Variants in AGBL1 observed in about 807,000 individuals in gnomAD.
AGBL1 encodes the protein cytosolic carboxypeptidase 4.
AGBL1 carries 130 observed loss-of-function variants against 118.9 expected under a neutral mutation model. That is an observed-to-expected ratio of 1.09 (90% confidence interval 0.95 to 1.26). The LOEUF is 1.26. Among genes scored for constraint, AGBL1 ranks in the 50% most tolerant of loss-of-function variants. The probability of loss-of-function intolerance (pLI) is 0.00; values close to 1 mark genes in which losing one functional copy is unlikely to be tolerated. For missense variants in AGBL1, 1,584 were observed against 1,298.1 expected, an observed-to-expected ratio of 1.22 and a Z score of -3.38; for synonymous variants, 555 against 478.9, an observed-to-expected ratio of 1.16 and a Z score of -2.08.
intron 21 of AGBL1, among the ~76,000 whole-genome samples, chr15:86,578,721 T>C (rs1346755107): frequency 6.6e-6 from 1 of 150,396 alleles, no homozygotes; most frequent in Non-Finnish European, 1.5e-5. Context: ...ATGGTTATTA[T>C]AAGGGGGTGT....
chr15:86,359,258 C>T (rs1172000662), intron 17 of AGBL1, among the ~76,000 whole-genome samples: 1 of 151,848 alleles, frequency 6.6e-6, no homozygotes, highest in Non-Finnish European at 1.5e-5. Flanking sequence ...TTTTCCAATA[C>T]CATTTTCTGA....
rs147916182 is a variant in AGBL1 at position 86,750,082 on chromosome 15, A to G, written c.3158+75646A>G. On this transcript the variant is annotated intron_variant, in intron 22 of 22. Transcript: ENST00000614907. ...ATTAATTGGAATAATTTCAGAAGGAATGGTACCAGCTCCTCCTTGTACTGC... is the reference window on the plus strand; with the variant it reads ...ATTAATTGGAATAATTTCAGAAGGAGTGGTACCAGCTCCTCCTTGTACTGC... 9.2e-3 allele frequency among the ~76,000 whole-genome samples: 1,402 copies of G among 152,200 alleles called. 24 individuals are homozygous for G. Among genetic ancestry groups the G allele is most frequent in the African/African-American group, 0.031 (1,295 of 41,520 alleles).
intron 18 of AGBL1, among the ~76,000 whole-genome samples, chr15:86,418,825 G>T (rs2081740998): frequency 6.6e-6 from 1 of 152,112 alleles, no homozygotes; most frequent in East Asian, 1.9e-4. Flanking sequence ...TGCTTGTCGG[G>T]ATGATTTAGT....
intron 22 of AGBL1, among the ~76,000 whole-genome samples, chr15:86,784,602 T>C (rs149937724): frequency 1.3e-5 from 2 of 152,328 alleles, no homozygotes; most frequent in African/African-American, 4.8e-5. Context: ...TACTGGGCTT[T>C]GATTCAGGCT....
intron 22 of AGBL1, among the ~76,000 whole-genome samples, chr15:86,877,571 C>A (rs1344061787): frequency 2.6e-5 from 4 of 152,098 alleles, no homozygotes; most frequent in African/African-American, 9.7e-5. Flanking sequence ...GAAGCATGAG[C>A]CTCCCCTACA....
At chr15:86,697,591 A>T (rs538093972) in intron 22 of AGBL1, among the ~76,000 whole-genome samples, 1 of 151,258 alleles carries the variant, frequency 6.6e-6, no homozygotes, top group Non-Finnish European at 1.5e-5. Context: ...CTGACAATTC[A>T]GGGATTTCTT....
chr15:86,282,077 A>G (rs2141724931), intron 16 of AGBL1, among the ~76,000 whole-genome samples: 1 of 152,284 alleles, frequency 6.6e-6, no homozygotes, highest in East Asian at 1.9e-4. Context: ...GATGGTACCT[A>G]GTTGTTTACC....
chr15:86,178,679 G>T (rs982722979), intron 5 of AGBL1, among the ~76,000 whole-genome samples: 3 of 152,092 alleles, frequency 2.0e-5, no homozygotes, highest in African/African-American at 7.2e-5. Flanking sequence ...TAAAAATTCT[G>T]TACAAACTCT....
intron 21 of AGBL1, among the ~76,000 whole-genome samples, chr15:86,661,826 G>T (rs1383416860): frequency 6.6e-6 from 1 of 152,066 alleles, no homozygotes; most frequent in Non-Finnish European, 1.5e-5. Context: ...TGAGAATGTC[G>T]CATTGCTTCA....
intron 22 of AGBL1, among the ~76,000 whole-genome samples, chr15:86,738,488 G>A (rs1383241493): frequency 6.6e-6 from 1 of 152,068 alleles, no homozygotes; most frequent in African/African-American, 2.4e-5. Flanking sequence ...ACTTAAAGAT[G>A]CCACCAAAAA....
chr15:86,857,625 C>T (rs553286135), intron 22 of AGBL1, among the ~76,000 whole-genome samples: 17 of 152,286 alleles, frequency 1.1e-4, no homozygotes, highest in Admixed American at 5.2e-4. Context: ...AGATCAGAAC[C>T]TCATATCATC....
At chr15:86,166,365 T>C (rs1426125291) in intron 5 of AGBL1, among the ~76,000 whole-genome samples, 4 of 152,172 alleles carry the variant, frequency 2.6e-5, no homozygotes, top group Non-Finnish European at 5.9e-5. Context: ...GCTTGTGAAA[T>C]GACCAGCTCC....
intron 22 of AGBL1, among the ~76,000 whole-genome samples, chr15:86,887,237 A>G (rs942727158): frequency 1.2e-4 from 18 of 152,198 alleles, no homozygotes; most frequent in Non-Finnish European, 2.1e-4. Context: ...CCATCTATGC[A>G]TATATCTATT....
intron 22 of AGBL1, among the ~76,000 whole-genome samples, chr15:86,880,824 CAAGAT>C (rs1224240968): frequency 1.3e-5 from 2 of 152,032 alleles, no homozygotes; most frequent in African/African-American, 2.4e-5. Context: ...TCAAAACACA[CAAGAT>C]AAGAACCCTT....
intron 17 of AGBL1, among the ~76,000 whole-genome samples, chr15:86,315,661 T>A (rs1452966434): frequency 6.8e-6 from 1 of 146,416 alleles, no homozygotes. Context: ...GAGGTTGCAG[T>A]GAGCTGAGAT....
intron 21 of AGBL1, among the ~76,000 whole-genome samples, chr15:86,611,050 C>G (rs900960235): frequency 1.3e-5 from 2 of 152,102 alleles, no homozygotes; most frequent in Non-Finnish European, 2.9e-5. Context: ...GATGTGAGGT[C>G]AAGATTGAAA....
chr15:86,190,702 G>C (rs1597518524), intron 5 of AGBL1, among the ~76,000 whole-genome samples: 4 of 152,240 alleles, frequency 2.6e-5, no homozygotes, highest in Admixed American at 6.5e-5. Flanking sequence ...GAACATCTGA[G>C]GGGAAGCTAA....
intron 23 of AGBL1, among the ~76,000 whole-genome samples, chr15:86,971,831 A>G (rs898483470): frequency 3.3e-5 from 5 of 151,918 alleles, no homozygotes; most frequent in African/African-American, 1.2e-4. Context: ...GGAGAGACCA[A>G]GTGGAGGTAA....
intron 18 of AGBL1, among the ~76,000 whole-genome samples, chr15:86,513,029 C>T (rs2083072238): frequency 6.6e-6 from 1 of 151,682 alleles, no homozygotes; most frequent in Non-Finnish European, 1.5e-5. Context: ...AATATTCCTG[C>T]ATATCTTTCA....
Sources: gnomAD v4.1 joint callset for allele counts (sites outside exome capture counted in the v4.1 genomes callset) on GRCh38, gnomAD v4.1.1 for gene constraint, MANE v1.5 for transcripts, NCBI Gene and HGNC (gene_info 2026-07-23, HGNC 2026-07-21) for gene names.